THEM6: variants seen among roughly 807,000 people sequenced by gnomAD.
THEM6 encodes the protein protein THEM6.
A neutral mutation model predicts 13.7 loss-of-function variants in THEM6; 10 were observed. The ratio of observed to expected loss-of-function variants is 0.73; its 90% CI spans 0.45 to 1.24. The LOEUF (loss-of-function observed/expected upper bound fraction) is 1.24. Ranked by LOEUF, THEM6 falls within the 50% of genes most tolerant of loss-of-function variation. THEM6 has a pLI of 0.00. For missense variants in THEM6, 317 were observed against 312.6 expected (o/e 1.01, Z -0.11); for synonymous variants, 161 against 156.0 (o/e 1.03, Z -0.24).
At position 142,727,673 on chromosome 8, in the gene THEM6, C is replaced by T. The variant is rs963085659; in HGVS notation, c.327C>T (p.Arg109=). 61 of 1,432,434 alleles carry T rather than the reference C, an allele frequency of 4.3e-5. No individual in the cohort carries two copies. Among genetic ancestry groups the T allele is most frequent in the Admixed American group, 3.7e-4 (12 of 32,838 alleles). The allele number at this position is 1,432,434 out of a possible 1,614,324, so 88.7% of individuals were successfully genotyped here. A position where few individuals can be genotyped will look rare whatever the true frequency, so the allele number is the denominator to read the frequency against. The change falls in exon 1 of 2, where the codon CGC becomes CGT. Residue 109 remains arginine (R), a synonymous_variant. Transcript: ENST00000336138. The part of the protein sequence containing the change: ...VLAASCARHR[R]SLRLLEPFEV... ...CGGCCTCGTGCGCGCGCCACCGCCG[C>T]TCGCTGCGCCTGCTGGAGCCCTTCG...
At chr8:142,732,762 C>T (rs900733246) in intron 1 of THEM6, among the ~76,000 whole-genome samples, 8 of 148,830 alleles carry the variant, frequency 5.4e-5, no homozygotes, top group Non-Finnish European at 8.9e-5. Flanking sequence ...ATTCGTCACA[C>T]CAGGTGGGTC....
In THEM6 at chr8:142,731,712, C is replaced by A. The variant is rs113955650; in HGVS notation, c.514-3614C>A. 7.3e-3 allele frequency among the ~76,000 whole-genome samples: 1,117 copies of A among 152,286 alleles called. 12 individuals are homozygous for A. Among genetic ancestry groups the A allele is most frequent in the African/African-American group, 0.025 (1,058 of 41,554 alleles). On this transcript the variant is annotated intron_variant, in intron 1 of 1. Coordinates refer to ENST00000336138, the MANE Select transcript of THEM6 (RefSeq NM_016647.3). ...TTCCTTCTTCCCTCCTGAGTTCTCC[C>A]GCTCCTGCAGCAGCAGGGCCGGGCA...
intron 1 of THEM6, among the ~76,000 whole-genome samples, chr8:142,732,570 A>G (rs2717600): frequency 0.6 from 91,229 of 151,762 alleles, 27,584 homozygotes; most frequent in East Asian, 0.7. Context: ...GATCATTCAC[A>G]CATACACACA....
intron 1 of THEM6, 145 bp downstream of exon 1, chr8:142,728,004 C>A: frequency 1.1e-6 from 1 of 907,836 alleles, no homozygotes; most frequent in Non-Finnish European, 1.5e-6. Flanking sequence ...CTTACCGCTC[C>A]CGCCCCTCCC....
intron 1 of THEM6, 86 bp from the exon 2 acceptor site, chr8:142,735,240 G>T (rs920277529): frequency 7.9e-6 from 8 of 1,006,936 alleles, no homozygotes; most frequent in African/African-American, 3.2e-5. Flanking sequence ...ATCTTGGAAG[G>T]TCACGGGCTG....
chr8:142,735,596 C>A lies in THEM6; in HGVS notation c.*157C>A. On this transcript the variant is annotated 3_prime_UTR_variant, in exon 2 of 2. Coordinates refer to ENST00000336138, the MANE Select transcript of THEM6 (RefSeq NM_016647.3). ...ACTGGGCCCCCCCAGTTATTGATAC[C>A]CCTCTGTGCTGGGCTCCACGCTAGG... The A allele has an allele frequency of 1.6e-6, 1 of 631,382 alleles. No individual in the cohort carries two copies. The highest frequency in any genetic ancestry group is 2.9e-6 in the Non-Finnish European group (1 of 348,398). The allele number at this position is 631,382 out of a possible 1,614,324, so 39.1% of individuals were successfully genotyped here.
rs1815754093 is a variant in THEM6 at position 142,735,998 on chromosome 8, G to C, written c.*559G>C. 1 of 153,554 alleles carries C rather than the reference G, an allele frequency of 6.5e-6. No individual in the cohort carries two copies. 9.5% of individuals were successfully genotyped at this position (153,554 alleles called of 1,614,324 possible). A position where few individuals can be genotyped will look rare whatever the true frequency, so the allele number is the denominator to read the frequency against. On this transcript the variant is annotated 3_prime_UTR_variant, in exon 2 of 2. Coordinates refer to ENST00000336138, the MANE Select transcript of THEM6 (RefSeq NM_016647.3). ...CCTGGGTGGTCAGAGGCCGGGGCTA[G>C]AGGCAGATGGAAGGGAGGCATTTGC...
At chr8:142,730,685 A>G (rs1289587468) in intron 1 of THEM6, among the ~76,000 whole-genome samples, 1 of 152,124 alleles carries the variant, frequency 6.6e-6, no homozygotes, top group Admixed American at 6.5e-5. Flanking sequence ...ATGATTTTAT[A>G]CCAGATAAGT....
At position 142,727,229 on chromosome 8, in the gene THEM6, C is replaced by T. The variant is rs1335199008; in HGVS notation, c.-118C>T. ...TCGGCCGCCCTCGCGCTGTGGTTCG[C>T]TCCGGGCGCGCTGCGCTCGTGAGTT... On this transcript the variant is annotated 5_prime_UTR_variant, in exon 1 of 2. Transcript: ENST00000336138. The T allele has an allele frequency of 2.7e-6, 3 of 1,123,862 alleles. No homozygotes were observed. The highest frequency in any genetic ancestry group is 8.4e-5 in the Admixed American group (2 of 23,928). 69.6% of individuals were successfully genotyped at this position (1,123,862 alleles called of 1,614,324 possible). A position where few individuals can be genotyped will look rare whatever the true frequency, so the allele number is the denominator to read the frequency against.
rs1396421492 is a variant in THEM6 at position 142,727,826 on chromosome 8, C to T, written c.480C>T (p.Pro160=). ...GGCAGCACCTGCTGGGCACCTCACC[C>T]GAGCGCGTCGTGCAGCACCTGTGCC... ...RFRQHLLGTS[P]ERVVQHLCQR... is the part of the protein sequence containing the mutation. Residue 160 remains proline (P), a synonymous_variant, in exon 1 of 2, where the codon CCC becomes CCT. Transcript: ENST00000336138. The T allele has an allele frequency of 2.1e-6, 3 of 1,459,436 alleles. No individual in the cohort carries two copies. The highest frequency in any genetic ancestry group is 1.8e-6 in the Non-Finnish European group (2 of 1,114,408). The allele number at this position is 1,459,436 out of a possible 1,614,324, so 90.4% of individuals were successfully genotyped here. A position where few individuals can be genotyped will look rare whatever the true frequency, so the allele number is the denominator to read the frequency against.
rs1554642386 is a variant in THEM6, at chr8:142,727,326, C to T, written c.-21C>T. The stretch of plus-strand genomic sequence containing the variant: ...ACCGGCGCCACGGACTCCGCAGGAC[C>T]CCGCGCCCGCCGCCGCCGCTATGCT... On this transcript the variant is annotated 5_prime_UTR_variant, in exon 1 of 2. Coordinates refer to ENST00000336138, the MANE Select transcript of THEM6 (RefSeq NM_016647.3). 6 of 1,499,318 alleles carry T rather than the reference C, an allele frequency of 4.0e-6. No individual in the cohort carries two copies. The Admixed American group carries it at 6.3e-5, about 16-fold the overall frequency. 92.9% of individuals were successfully genotyped at this position (1,499,318 alleles called of 1,614,324 possible).
Position 142,727,767 on chromosome 8 carries a change from C to G in THEM6, c.421C>G (p.Arg141Gly). 6.9e-7 allele frequency: 1 copy of G among 1,457,716 alleles called. No individual in the cohort carries two copies. The highest frequency in any genetic ancestry group is 2.6e-5 in the Admixed American group (1 of 38,862). 90.3% of individuals were successfully genotyped at this position (1,457,716 alleles called of 1,614,324 possible). ...FYLEARFVSLRDGFVCALLRF... is the reference protein window; with the variant it reads ...FYLEARFVSLGDGFVCALLRF... ...CCTGGAGGCGCGCTTTGTCAGCCTGCGGGACGGCTTCGTGTGCGCGCTGCT... is the reference window on the plus strand; with the variant it reads ...CCTGGAGGCGCGCTTTGTCAGCCTGGGGGACGGCTTCGTGTGCGCGCTGCT... Residue 141 changes from arginine to glycine, a missense_variant, in exon 1 of 2, where the codon CGG becomes GGG. Transcript: ENST00000336138.
chr8:142,735,545 C>G lies in THEM6; in HGVS notation c.*106C>G, dbSNP rs1815740539. 1.7e-5 allele frequency: 14 copies of G among 838,150 alleles called. 1 individual carries two copies. The highest frequency in any genetic ancestry group is 9.2e-5 in the South Asian group (6 of 65,520). The allele number at this position is 838,150 out of a possible 1,614,324, so 51.9% of individuals were successfully genotyped here. ...TGTTCCAGCTGGAGTAGCCTCCTGA[C>G]CAGCCTGGCCCACCCTGCTCCACCC... On this transcript the variant is annotated 3_prime_UTR_variant, in exon 2 of 2. Coordinates refer to ENST00000336138, the MANE Select transcript of THEM6 (RefSeq NM_016647.3).
rs1383177691 is a variant in THEM6, at chr8:142,736,716, C to G, written c.*1277C>G. ...AGCTCAGGGCCCTGTGCCCGCTTGC[C>G]TGTTCCCCTACATCTGTGCCTGCAC... On this transcript the variant is annotated 3_prime_UTR_variant, in exon 2 of 2. Transcript: ENST00000336138. 2 of 152,354 alleles carry G rather than the reference C, an allele frequency of 1.3e-5. No homozygotes were observed. The highest frequency in any genetic ancestry group is 4.8e-5 in the African/African-American group (2 of 41,458). The allele number at this position is 152,354 out of a possible 1,614,324, so 9.4% of individuals were successfully genotyped here.
chr8:142,728,939 T>C (rs1029345825), intron 1 of THEM6, among the ~76,000 whole-genome samples: 7 of 134,086 alleles, frequency 5.2e-5, no homozygotes, highest in African/African-American at 2.0e-4. Context: ...ACTATTTTCT[T>C]TTTTTTTTTT....
In THEM6 at chr8:142,735,819, G is replaced by A. The variant is rs758329996; in HGVS notation, c.*380G>A. The stretch of plus-strand genomic sequence containing the variant: ...TGGCTCGGACCACTGCAAGGGCCGA[G>A]GCAGGGCCAGACCAGAGCATCCTGG... On this transcript the variant is annotated 3_prime_UTR_variant, in exon 2 of 2. Coordinates refer to ENST00000336138, the MANE Select transcript of THEM6 (RefSeq NM_016647.3). 9.6e-5 allele frequency: 23 copies of A among 240,028 alleles called. No homozygotes were observed. The highest frequency in any genetic ancestry group is 1.9e-4 in the Non-Finnish European group (22 of 117,774). 14.9% of individuals were successfully genotyped at this position (240,028 alleles called of 1,614,324 possible).
chr8:142,730,223 C>T (rs1367889412), intron 1 of THEM6, among the ~76,000 whole-genome samples: 3 of 152,006 alleles, frequency 2.0e-5, no homozygotes, highest in Admixed American at 6.5e-5. Flanking sequence ...GGAGTGTGGT[C>T]GTTTTTTTCT....
In THEM6 at chr8:142,735,455, C is replaced by A; in HGVS notation, c.*16C>A. ...GGACCAGTGACCGCCACCTTCACACCGTCTGCCCTGGCCACCATCCTGGGC... is the reference window on the plus strand; with the variant it reads ...GGACCAGTGACCGCCACCTTCACACAGTCTGCCCTGGCCACCATCCTGGGC... On this transcript the variant is annotated 3_prime_UTR_variant, in exon 2 of 2. Coordinates refer to ENST00000336138, the MANE Select transcript of THEM6 (RefSeq NM_016647.3). 1 of 1,539,610 alleles carries A rather than the reference C, an allele frequency of 6.5e-7. No homozygotes were observed.
chr8:142,727,374 G>T lies in THEM6; in HGVS notation c.28G>T (p.Ala10Ser). The T allele has an allele frequency of 1.3e-6, 2 of 1,522,546 alleles. No individual in the cohort carries two copies. Among genetic ancestry groups the T allele is most frequent in the East Asian group, 5.1e-5 (2 of 38,876 alleles). 94.3% of individuals were successfully genotyped at this position (1,522,546 alleles called of 1,614,324 possible). A position where few individuals can be genotyped will look rare whatever the true frequency, so the allele number is the denominator to read the frequency against. Residue 10 changes from alanine to serine, a missense_variant, in exon 1 of 2, where the codon GCC becomes TCC. By Grantham distance (99) the Ala-to-Ser change is moderately conservative. Transcript: ENST00000336138. MLGLLVALL[A>S]LGLAVFALLD... is the part of the protein sequence containing the mutation. ...GCTGGGGCTGCTGGTGGCGTTGCTGGCCCTGGGGCTCGCTGTCTTTGCGCT... is the reference window on the plus strand; with the variant it reads ...GCTGGGGCTGCTGGTGGCGTTGCTGTCCCTGGGGCTCGCTGTCTTTGCGCT...
Sources: allele counts gnomAD v4.1 joint callset (sites outside exome capture counted in the v4.1 genomes callset), GRCh38; gene constraint gnomAD v4.1.1; transcripts MANE v1.5; gene names NCBI Gene and HGNC (gene_info 2026-07-23, HGNC 2026-07-21).